Variants in TPTE observed in about 807,000 individuals in gnomAD.
TPTE encodes transmembrane phosphatase with tensin homology.
TPTE carries 59 observed loss-of-function variants against 84.1 expected under a neutral mutation model. The observed-to-expected ratio is 0.70, with a 90% CI of 0.57 to 0.87. The LOEUF (loss-of-function observed/expected upper bound fraction) is 0.87. TPTE is among the 40% of genes least tolerant of loss of function. TPTE has a pLI of 0.00. For missense variants in TPTE, 382 were observed against 659.6 expected (o/e 0.58, Z 4.61); for synonymous variants, 130 against 223.5 (o/e 0.58, Z 3.73).
intron 10 of TPTE, among the ~76,000 whole-genome samples, chr21:10,564,369 G>T (rs1272391827): frequency 6.6e-6 from 1 of 152,308 alleles, no homozygotes; most frequent in African/African-American, 2.4e-5. Flanking sequence ...AATTAGCTGG[G>T]TGTGGTGCCG....
chr21:10,530,914 T>G (rs2074166036), intron 3 of TPTE, among the ~76,000 whole-genome samples: 1 of 152,310 alleles, frequency 6.6e-6, no homozygotes, highest in South Asian at 2.1e-4. Context: ...AACTTATGAA[T>G]TTGAGCATCA....
chr21:10,539,808 A>C (rs1232775023), intron 4 of TPTE, among the ~76,000 whole-genome samples: 1 of 152,306 alleles, frequency 6.6e-6, no homozygotes, highest in African/African-American at 2.4e-5. Flanking sequence ...TCAGTAGTTC[A>C]AGGCCAGCCT....
At chr21:10,550,351 T>C (rs1430599181) in intron 7 of TPTE, among the ~76,000 whole-genome samples, 2 of 152,306 alleles carry the variant, frequency 1.3e-5, no homozygotes, top group Non-Finnish European at 2.9e-5. Flanking sequence ...ACTTTACCGG[T>C]ATAGAAACAC....
chr21:10,563,820 C>T (rs1258377718), intron 10 of TPTE, among the ~76,000 whole-genome samples: 1 of 152,308 alleles, frequency 6.6e-6, no homozygotes, highest in East Asian at 1.9e-4. Context: ...TGTCAGTAGA[C>T]TAAACTTTTC....
At chr21:10,554,703 T>C (rs1349712265) in intron 8 of TPTE, among the ~76,000 whole-genome samples, 3 of 152,310 alleles carry the variant, frequency 2.0e-5, no homozygotes, top group South Asian at 2.1e-4. Context: ...AATGTTATTC[T>C]CAGAAAGTCC....
chr21:10,571,086 C>T (rs1221232913), intron 14 of TPTE, among the ~76,000 whole-genome samples: 103 of 151,950 alleles, frequency 6.8e-4, no homozygotes, highest in African/African-American at 2.3e-3. Flanking sequence ...GCCCGCCCTG[C>T]TGTTGGCAAT....
intron 18 of TPTE, among the ~76,000 whole-genome samples, chr21:10,591,635 C>T (rs1247921819): frequency 6.6e-6 from 1 of 152,310 alleles, no homozygotes; most frequent in Non-Finnish European, 1.5e-5. Flanking sequence ...ATCCAGAGCC[C>T]TAGACTGAGA....
intron 8 of TPTE, among the ~76,000 whole-genome samples, chr21:10,557,212 GTGTC>G (rs1161197522): frequency 2.0e-5 from 3 of 152,310 alleles, no homozygotes; most frequent in South Asian, 2.1e-4. Flanking sequence ...TCATGTTGGA[GTGTC>G]TGTCTGTTGC....
chr21:10,532,003 A>G (rs1469511122), intron 3 of TPTE, among the ~76,000 whole-genome samples: 9 of 152,302 alleles, frequency 5.9e-5, no homozygotes, highest in Admixed American at 5.2e-4. Flanking sequence ...ATTTTGGTCC[A>G]TTGATACTTA....
At chr21:10,598,931 G>T (rs2075639970) in intron 21 of TPTE, among the ~76,000 whole-genome samples, 1 of 152,424 alleles carries the variant, frequency 6.6e-6, no homozygotes, top group African/African-American at 2.4e-5. Flanking sequence ...CCTTGGCTTT[G>T]TGTTCTTAGC....
intron 10 of TPTE, among the ~76,000 whole-genome samples, chr21:10,562,149 C>G (rs1325133073): frequency 1.3e-5 from 2 of 152,430 alleles, no homozygotes; most frequent in Middle Eastern, 6.8e-3. Context: ...GGCAGTACCA[C>G]TATGAGTCTG....
At chr21:10,558,039 A>G (rs532983293) in intron 8 of TPTE, among the ~76,000 whole-genome samples, 1 of 152,304 alleles carries the variant, frequency 6.6e-6, no homozygotes, top group Admixed American at 6.5e-5. Flanking sequence ...TTTGCTAAGG[A>G]TAAGAGCCTC....
intron 1 of TPTE, among the ~76,000 whole-genome samples, chr21:10,522,747 C>G (rs1476403452): frequency 6.6e-6 from 1 of 152,310 alleles, no homozygotes; most frequent in Non-Finnish European, 1.5e-5. Flanking sequence ...TTAATTCGCA[C>G]ATAATAAATT....
intron 5 of TPTE, among the ~76,000 whole-genome samples, chr21:10,542,169 A>G (rs931410920): frequency 7.2e-5 from 11 of 152,302 alleles, no homozygotes; most frequent in Non-Finnish European, 1.6e-4. Flanking sequence ...AGGTTTACTT[A>G]AATCGGGAAG....
Position 10,577,632 on chromosome 21 carries a change from A to G in TPTE, c.856+112A>G, listed in dbSNP as rs1442865105. ...TTAATCATAAGTATTTGGTAGTGGC[A>G]AGGAATGAATTTAAAAATCCCCATC... On this transcript the variant is annotated intron_variant, in intron 15 of 23. Coordinates refer to ENST00000618007, the MANE Select transcript of TPTE (RefSeq NM_199261.4). 9 of 1,584,582 alleles carry G rather than the reference A, an allele frequency of 5.7e-6. No individual in the cohort carries two copies. In the African/African-American group the frequency reaches 1.1e-4, roughly 19 times the overall value.
chr21:10,546,116 TG>T (rs1245834081), intron 7 of TPTE, among the ~76,000 whole-genome samples: 5 of 152,302 alleles, frequency 3.3e-5, no homozygotes, highest in Admixed American at 1.3e-4. Context: ...GCAAGTCTCC[TG>T]GTTTTATTTT....
intron 3 of TPTE, among the ~76,000 whole-genome samples, chr21:10,536,298 A>G (rs1228997872): frequency 6.6e-6 from 1 of 152,310 alleles, no homozygotes; most frequent in African/African-American, 2.4e-5. Flanking sequence ...CACCTAGTTC[A>G]AATTAGTGAT....
At chr21:10,527,785 A>C (rs1283018150) in intron 3 of TPTE, among the ~76,000 whole-genome samples, 4 of 152,310 alleles carry the variant, frequency 2.6e-5, no homozygotes, top group Non-Finnish European at 5.9e-5. Context: ...TGGTGCCCCA[A>C]ACTCAAAGCC....
intron 14 of TPTE, among the ~76,000 whole-genome samples, chr21:10,575,187 T>A (rs2075126106): frequency 1.3e-5 from 2 of 152,312 alleles, no homozygotes; most frequent in African/African-American, 4.8e-5. Context: ...CTATGGAGAA[T>A]ACAGACAGTC....
Sources: gnomAD v4.1 joint callset for allele counts (sites outside exome capture counted in the v4.1 genomes callset) on GRCh38, gnomAD v4.1.1 for gene constraint, MANE v1.5 for transcripts, NCBI Gene and HGNC (gene_info 2026-07-23, HGNC 2026-07-21) for gene names.